Variants in ITCH observed in about 807,000 individuals in gnomAD.
ITCH encodes itchy E3 ubiquitin protein ligase, also known as E3 ubiquitin-protein ligase Itchy homolog.
ITCH carries 28 observed loss-of-function variants against 126.8 expected under a neutral mutation model. The observed-to-expected ratio is 0.22, with a 90% CI of 0.16 to 0.30. The LOEUF is 0.30. ITCH is among the 10% of genes least tolerant of loss of function. The probability of loss-of-function intolerance (pLI) is 1.00; values close to 1 mark genes in which losing one functional copy is unlikely to be tolerated. For synonymous variants in ITCH, 342 were observed against 340.0 expected, an observed-to-expected ratio of 1.01 and a Z score of -0.06; for missense variants, 631 against 1,032.4, an observed-to-expected ratio of 0.61 and a Z score of 5.33.
At chr20:34,397,993 A>G (rs1209751650) in intron 3 of ITCH, among the ~76,000 whole-genome samples, 1 of 143,166 alleles carries the variant, frequency 7.0e-6, no homozygotes, top group East Asian at 2.0e-4. Context: ...TCGTTATTGA[A>G]TTTTTTTTTT....
intron 16 of ITCH, among the ~76,000 whole-genome samples, chr20:34,474,769 C>G (rs897171221): frequency 1.5e-5 from 2 of 137,454 alleles, no homozygotes; most frequent in Admixed American, 7.0e-5. Context: ...ACCTCCAGGA[C>G]AGGGCGGCTG....
chr20:34,492,534 A>C lies in ITCH; in HGVS notation c.2353A>C (p.Arg785=), dbSNP rs1192972322. Residue 785 remains arginine (R), a synonymous_variant, in exon 23 of 25, where the codon AGA becomes CGA. Transcript: ENST00000374864. The part of the protein sequence containing the change: ...VKEIDNEKRM[R]LLQFVTGTCR... ...AGAAATTGATAATGAGAAGAGAATG[A>C]GACTTCTGCAGTTTGTTACTGGAAC... 1 of 1,612,342 alleles carries C rather than the reference A, an allele frequency of 6.2e-7. No individual in the cohort carries two copies. Among genetic ancestry groups the C allele is most frequent in the Non-Finnish European group, 8.5e-7 (1 of 1,178,474 alleles).
In ITCH at chr20:34,408,679, G is replaced by C. The variant is rs1282807075; in HGVS notation, c.99G>C (p.Lys33Asn). Residue 33 changes from lysine to asparagine, a missense_variant, in exon 4 of 25, where the codon AAG (lysine) becomes AAC (asparagine). Lys to Asn is a moderately conservative substitution (Grantham distance 94, BLOSUM62 0). Around this residue, in one of 4 missense-constraint regions of ITCH, gnomAD observed 220 missense variants for 265.7 expected, o/e 0.83. Coordinates refer to ENST00000374864, the MANE Select transcript of ITCH (RefSeq NM_031483.7). Reference sequence around the variant, plus strand: ...TCTCAGCAAAACTTAAGGAAAATAAGAAGAATTGGTTTGGACCAAGTCCTT... The same window carrying C: ...TCTCAGCAAAACTTAAGGAAAATAACAAGAATTGGTTTGGACCAAGTCCTT... Reference protein sequence around the residue: ...TVISAKLKENKKNWFGPSPYV... With the variant: ...TVISAKLKENNKNWFGPSPYV... 1.2e-6 allele frequency: 2 copies of C among 1,613,760 alleles called. No individual in the cohort carries two copies. Among genetic ancestry groups the C allele is most frequent in the Non-Finnish European group, 8.5e-7 (1 of 1,179,730 alleles).
intron 22 of ITCH, among the ~76,000 whole-genome samples, chr20:34,490,593 A>G (rs1286878644): frequency 2.0e-5 from 3 of 152,332 alleles, no homozygotes; most frequent in Middle Eastern, 6.8e-3. Flanking sequence ...CAGTAAGCCA[A>G]GTTCGCACTA....
At chr20:34,383,883 T>C (rs931994162) in intron 2 of ITCH, among the ~76,000 whole-genome samples, 2 of 148,046 alleles carry the variant, frequency 1.4e-5, no homozygotes, top group African/African-American at 5.0e-5. Context: ...TCACTCTTGT[T>C]GTCTAGGCTG....
rs1404652720 is a variant in ITCH, at chr20:34,509,537, T to C, written c.*1743T>C. The C allele has an allele frequency of 6.6e-6, 1 of 152,650 alleles. No homozygotes were observed. The highest frequency in any genetic ancestry group is 1.5e-5 in the Non-Finnish European group (1 of 68,040). 9.5% of individuals were successfully genotyped at this position (152,650 alleles called of 1,614,324 possible). ...ATACTGCCATCATAAAGCAGAGACT[T>C]ACATGAGTGAAAGGGTTGCCTCATC... On this transcript the variant is annotated 3_prime_UTR_variant, in exon 25 of 25. Transcript: ENST00000374864.
At chr20:34,432,275 A>G (rs1486084578) in intron 7 of ITCH, among the ~76,000 whole-genome samples, 1 of 152,164 alleles carries the variant, frequency 6.6e-6, no homozygotes, top group Non-Finnish European at 1.5e-5. Context: ...TGAATAGTTA[A>G]TTCATTGCTG....
At chr20:34,481,041 A>T in intron 19 of ITCH, 25 bp from the exon 20 acceptor site, 1 of 1,611,902 alleles carries the variant, frequency 6.2e-7, no homozygotes, top group South Asian at 1.1e-5. Context: ...GGATATAACA[A>T]ATAGTGCTAA....
chr20:34,430,665 G>A (rs1394006144), intron 7 of ITCH, among the ~76,000 whole-genome samples: 1 of 152,060 alleles, frequency 6.6e-6, no homozygotes. Context: ...GTAGAGATGG[G>A]GTTTCACCAT....
intron 13 of ITCH, among the ~76,000 whole-genome samples, chr20:34,459,282 G>A (rs1266489561): frequency 1.3e-5 from 2 of 152,290 alleles, no homozygotes; most frequent in South Asian, 2.1e-4. Flanking sequence ...CAGCATTATT[G>A]TGGGACAGTA....
intron 2 of ITCH, among the ~76,000 whole-genome samples, chr20:34,375,163 T>A (rs1355292951): frequency 6.6e-6 from 1 of 151,600 alleles, no homozygotes; most frequent in East Asian, 1.9e-4. Flanking sequence ...TGCCTCAGCC[T>A]CCCAAGTAGC....
chr20:34,507,687 G>C lies in ITCH; in HGVS notation c.2490-8G>C. On this transcript the variant is annotated splice_region_variant and splice_polypyrimidine_tract_variant and intron_variant, in intron 24 of 24. Transcript: ENST00000374864. ...TCCTTTTCTCAAACTAACAATTCTT[G>C]CTTTTAGTTTTAATCGCCTGGACCT... 6.2e-7 allele frequency: 1 copy of C among 1,606,652 alleles called. No homozygotes were observed. The highest frequency in any genetic ancestry group is 8.5e-7 in the Non-Finnish European group (1 of 1,173,468).
intron 12 of ITCH, among the ~76,000 whole-genome samples, chr20:34,456,439 A>G (rs1401674498): frequency 1.3e-5 from 2 of 149,116 alleles, no homozygotes; most frequent in Admixed American, 1.3e-4. Flanking sequence ...AACATGTCTC[A>G]AAATGAATAA....
At chr20:34,391,624 ATTC>A (rs1295794407) in intron 2 of ITCH, among the ~76,000 whole-genome samples, 1 of 152,128 alleles carries the variant, frequency 6.6e-6, no homozygotes, top group Non-Finnish European at 1.5e-5. Flanking sequence ...AGTGATTTTT[ATTC>A]TTTTCAAGAA....
rs186563758 is a variant in ITCH at position 34,379,534 on chromosome 20, T to C, written c.-22+10064T>C. On this transcript the variant is annotated intron_variant, in intron 2 of 24. Coordinates refer to ENST00000374864, the MANE Select transcript of ITCH (RefSeq NM_031483.7). ...GGTAACTACTATTCTGTTTTCTGTCTCTGTGAATTTAGCTATTCTAGGCAC... is the reference window on the plus strand; with the variant it reads ...GGTAACTACTATTCTGTTTTCTGTCCCTGTGAATTTAGCTATTCTAGGCAC... 3.9e-3 allele frequency among the ~76,000 whole-genome samples: 598 copies of C among 152,152 alleles called. 4 individuals are homozygous for C. The highest frequency in any genetic ancestry group is 0.028 in the South Asian group (135 of 4,820).
At chr20:34,399,565 G>T (rs1350175209) in intron 3 of ITCH, among the ~76,000 whole-genome samples, 1 of 151,986 alleles carries the variant, frequency 6.6e-6, no homozygotes, top group Admixed American at 6.6e-5. Context: ...GGTTGGCCGG[G>T]CATGGTGGCT....
intron 3 of ITCH, among the ~76,000 whole-genome samples, chr20:34,406,777 G>A (rs1005294413): frequency 3.3e-5 from 5 of 151,790 alleles, no homozygotes; most frequent in Admixed American, 1.3e-4. Flanking sequence ...CTCGTGATCC[G>A]CCCGTCTCAG....
chr20:34,408,541 A>G (rs1336734066), intron 3 of ITCH, 110 bp from the exon 4 acceptor site: 2 of 1,010,732 alleles, frequency 2.0e-6, no homozygotes, highest in Non-Finnish European at 1.5e-6. Flanking sequence ...TTAGAGCAAA[A>G]CTGCTTCTCT....
chr20:34,477,178 C>T (rs1459982961), intron 16 of ITCH, among the ~76,000 whole-genome samples: 9 of 152,100 alleles, frequency 5.9e-5, no homozygotes, highest in Admixed American at 5.9e-4. Context: ...TGACCATGCC[C>T]ATCTATGTTC....
Sources: gnomAD v4.1 joint callset for allele counts (sites outside exome capture counted in the v4.1 genomes callset) on GRCh38, gnomAD v4.1.1 for gene constraint, gnomAD v4.1.1 regional missense constraint, MANE v1.5 for transcripts, NCBI Gene and HGNC (gene_info 2026-07-23, HGNC 2026-07-21) for gene names.